MTSS2: variants seen among roughly 807,000 people sequenced by gnomAD.
MTSS2 encodes protein MTSS 2.
A neutral mutation model predicts 67.1 loss-of-function variants in MTSS2; 27 were observed. That is an observed-to-expected ratio of 0.40 (90% CI 0.30 to 0.55). The LOEUF is 0.55. MTSS2 is among the 20% of genes least tolerant of loss of function. The pLI, the probability that MTSS2 is intolerant of heterozygous loss-of-function variation, is 0.43. For missense variants in MTSS2, 1,171 were observed against 1,067.8 expected, an observed-to-expected ratio of 1.10 and a Z score of -1.35; for synonymous variants, 624 against 468.6, an observed-to-expected ratio of 1.33 and a Z score of -4.28.
At position 70,662,306 on chromosome 16, in the gene MTSS2, A is replaced by T. The variant is rs531091755; in HGVS notation, c.*1371T>A. ...TTCCCTCCTGACCTGCGGGGCCACC[A>T]GGACTCCCTCCGCTCGCCCTAGGCT... On this transcript the variant is annotated 3_prime_UTR_variant, in exon 15 of 15. Transcript: ENST00000338779. 3 of 152,434 alleles carry T rather than the reference A, an allele frequency of 2.0e-5. No individual in the cohort carries two copies. The highest frequency in any genetic ancestry group is 7.2e-5 in the African/African-American group (3 of 41,556). 9.4% of individuals were successfully genotyped at this position (152,434 alleles called of 1,614,324 possible).
intron 11 of MTSS2, among the ~76,000 whole-genome samples, chr16:70,666,744 G>C (rs1450034976): frequency 6.6e-6 from 1 of 150,938 alleles, no homozygotes; most frequent in African/African-American, 2.4e-5. Context: ...AATGGAAAAA[G>C]TATTTGGAAA....
At position 70,679,784 on chromosome 16, in the gene MTSS2, A is replaced by G; in HGVS notation, c.382+2T>C. On this transcript the variant is annotated splice_donor_variant, in intron 5 of 14. Coordinates refer to ENST00000338779, the MANE Select transcript of MTSS2 (RefSeq NM_138383.3). LOFTEE classifies it high-confidence loss of function. The stretch of plus-strand genomic sequence containing the variant: ...GGAAGCCCGGCTCCGCGCCACCCTC[A>G]CCTTTCGCGTGGTCCTTGTCCAGCT... 6.2e-7 allele frequency: 1 copy of G among 1,611,312 alleles called. No homozygotes were observed. The highest frequency in any genetic ancestry group is 8.5e-7 in the Non-Finnish European group (1 of 1,179,498).
rs1567504961 is a variant in MTSS2, at chr16:70,679,892, C to T, written c.291-15G>A. Reference sequence around the variant, plus strand: ...CCAGCAGTGCGCTGCGGAGGGCGGGCGGGAGCGCAGGTCAGGGCCGGGCTC... The same window carrying T: ...CCAGCAGTGCGCTGCGGAGGGCGGGTGGGAGCGCAGGTCAGGGCCGGGCTC... On this transcript the variant is annotated splice_polypyrimidine_tract_variant and intron_variant, in intron 4 of 14. Transcript: ENST00000338779. The T allele has an allele frequency of 2.5e-6, 4 of 1,585,984 alleles. No individual in the cohort carries two copies. The highest frequency in any genetic ancestry group is 1.1e-5 in the South Asian group (1 of 88,940).
Position 70,679,888 on chromosome 16 carries a change from C to G in MTSS2, c.291-11G>C. 1.3e-6 allele frequency: 2 copies of G among 1,587,544 alleles called. No homozygotes were observed. The highest frequency in any genetic ancestry group is 1.7e-6 in the Non-Finnish European group (2 of 1,174,002). ...CTCTCCAGCAGTGCGCTGCGGAGGG[C>G]GGGCGGGAGCGCAGGTCAGGGCCGG... is the stretch of plus-strand genomic sequence containing the variant. On this transcript the variant is annotated splice_polypyrimidine_tract_variant and intron_variant, in intron 4 of 14. Transcript: ENST00000338779.
chr16:70,665,450 G>C lies in MTSS2; in HGVS notation c.1128+16C>G. The stretch of plus-strand genomic sequence containing the variant: ...GCAGCTGGTGACTGTCCTGGGGCCG[G>C]GCTGGGAGCACTGACCGAGGTGGGG... On this transcript the variant is annotated intron_variant, in intron 12 of 14. Transcript: ENST00000338779. 1 of 1,550,220 alleles carries C rather than the reference G, an allele frequency of 6.5e-7. No homozygotes were observed. Among genetic ancestry groups the C allele is most frequent in the East Asian group, 2.4e-5 (1 of 41,260 alleles).
Position 70,678,288 on chromosome 16 carries a change from G to A in MTSS2, c.588C>T (p.Arg196=). The A allele has an allele frequency of 7.4e-6, 12 of 1,611,918 alleles. No individual in the cohort carries two copies. The highest frequency in any genetic ancestry group is 1.0e-5 in the Non-Finnish European group (12 of 1,179,886). The change falls in exon 8 of 15, where the codon CGC becomes CGT. Residue 196 remains arginine, a synonymous_variant. Coordinates refer to ENST00000338779, the MANE Select transcript of MTSS2 (RefSeq NM_138383.3). ...VRRALIEERG[R]FCTFITFLQP... ...GCAGGAAGGTGATGAAGGTGCAGAA[G>A]CGGCCCCGCTCCTCGATCAGCGCCC...
intron 11 of MTSS2, among the ~76,000 whole-genome samples, chr16:70,673,315 CAGAG>C (rs535987358): frequency 3.9e-4 from 59 of 152,106 alleles, no homozygotes; most frequent in Non-Finnish European, 7.5e-4. Flanking sequence ...TAAAAGTGCC[CAGAG>C]AGAGACTCAG....
At position 70,679,798 on chromosome 16, in the gene MTSS2, C is replaced by T. The variant is rs757433425; in HGVS notation, c.370G>A (p.Asp124Asn). ...WKKAANQLDKDHAKEYKRARH... is the reference protein window; with the variant it reads ...WKKAANQLDKNHAKEYKRARH... Reference sequence around the variant, plus strand: ...GCGCCACCCTCACCTTTCGCGTGGTCCTTGTCCAGCTGGTTGGCCGCCTTC... The same window carrying T: ...GCGCCACCCTCACCTTTCGCGTGGTTCTTGTCCAGCTGGTTGGCCGCCTTC... The change falls in exon 5 of 15, where the codon GAC becomes AAC. Residue 124 changes from aspartate to asparagine, a missense_variant. This residue lies in a region of MTSS2 where 247 missense variants were observed against 311.8 expected (regional missense o/e 0.79). Transcript: ENST00000338779. 1.9e-6 allele frequency: 3 copies of T among 1,611,026 alleles called. No individual in the cohort carries two copies. The highest frequency in any genetic ancestry group is 2.5e-6 in the Non-Finnish European group (3 of 1,179,654).
At chr16:70,669,428 G>C (rs922013545) in intron 11 of MTSS2, among the ~76,000 whole-genome samples, 7 of 152,212 alleles carry the variant, frequency 4.6e-5, no homozygotes, top group African/African-American at 1.7e-4. Context: ...CACATCTGTA[G>C]TCTCAGCTAT....
chr16:70,683,005 G>A (rs1319943601), intron 1 of MTSS2, among the ~76,000 whole-genome samples: 2 of 152,234 alleles, frequency 1.3e-5, no homozygotes, highest in Non-Finnish European at 2.9e-5. Flanking sequence ...TGAACGTCAA[G>A]GCTGGGGAGG....
At chr16:70,678,474 G>A (rs2053192733) in intron 7 of MTSS2, 65 bp from the exon 8 acceptor site, 1 of 1,546,078 alleles carries the variant, frequency 6.5e-7, no homozygotes, top group Non-Finnish European at 8.7e-7. Flanking sequence ...CCCACAAATG[G>A]GCTCAGACCC....
intron 11 of MTSS2, among the ~76,000 whole-genome samples, chr16:70,671,132 T>C (rs536494016): frequency 1.1e-4 from 16 of 152,066 alleles, no homozygotes; most frequent in Middle Eastern, 3.4e-3. Flanking sequence ...AAAAAGTTCC[T>C]TGGGCAGGTG....
Position 70,664,746 on chromosome 16 carries a change from G to T in MTSS2, c.1323C>A (p.Ser441=). 1 of 1,611,904 alleles carries T rather than the reference G, an allele frequency of 6.2e-7. No individual in the cohort carries two copies. Among genetic ancestry groups the T allele is most frequent in the Non-Finnish European group, 8.5e-7 (1 of 1,179,362 alleles). Residue 441 remains serine (S), a synonymous_variant, in exon 14 of 15, where the codon TCC becomes TCA. Transcript: ENST00000338779. ...CCATGGCCAGGTCACTGGCGGCGGG[G>T]GACACCTCCTCACCGTGCTGAGGGT... The part of the protein sequence containing the change: ...TIAAKHGEEV[S]PAASDLAMVL...
At chr16:70,675,999 A>G (rs2053104532) in intron 10 of MTSS2, among the ~76,000 whole-genome samples, 1 of 152,132 alleles carries the variant, frequency 6.6e-6, no homozygotes, top group South Asian at 2.1e-4. Context: ...CCCTGCAATC[A>G]GCCCCTTCAC....
At position 70,661,587 on chromosome 16, in the gene MTSS2, G is replaced by C. The variant is rs766178293; in HGVS notation, c.*2090C>G. On this transcript the variant is annotated 3_prime_UTR_variant, in exon 15 of 15. Transcript: ENST00000338779. ...GTTTGTGATGTGGGATGGTTGGCTCGGATCCCGAGGTGGGTGGGCCTATGA... is the reference window on the plus strand; with the variant it reads ...GTTTGTGATGTGGGATGGTTGGCTCCGATCCCGAGGTGGGTGGGCCTATGA... The C allele has an allele frequency of 8.5e-6, 3 of 351,730 alleles. No individual in the cohort carries two copies. Among genetic ancestry groups the C allele is most frequent in the Non-Finnish European group, 1.7e-5 (3 of 179,864 alleles). The allele number at this position is 351,730 out of a possible 1,614,324, so 21.8% of individuals were successfully genotyped here.
In MTSS2 at chr16:70,680,075, G is replaced by A. The variant is rs1383692520; in HGVS notation, c.206-20C>T. On this transcript the variant is annotated intron_variant, in intron 3 of 14. Transcript: ENST00000338779. ...TGGCCCCTGGCGAGGCAAGCGCGGG[G>A]TGGGAAGGGGCCCGCTGGGGCCTGC... 4 of 1,483,526 alleles carry A rather than the reference G, an allele frequency of 2.7e-6. No individual in the cohort carries two copies. Among genetic ancestry groups the A allele is most frequent in the Non-Finnish European group, 8.9e-7 (1 of 1,123,574 alleles). The allele number at this position is 1,483,526 out of a possible 1,614,324, so 91.9% of individuals were successfully genotyped here. A position where few individuals can be genotyped will look rare whatever the true frequency, so the allele number is the denominator to read the frequency against.
chr16:70,680,918 G>GGGCCCCCCCCC, intron 2 of MTSS2, 46 bp downstream of exon 2: 3 of 1,096,752 alleles, frequency 2.7e-6, no homozygotes, highest in Non-Finnish European at 4.0e-6. Flanking sequence ...CGGGGGGGGG[G>GGGCCCCCCCCC]CCTCTGCCTG....
In MTSS2 at chr16:70,677,905, G is replaced by A; in HGVS notation, c.625-6C>T. 1 of 1,589,534 alleles carries A rather than the reference G, an allele frequency of 6.3e-7. No individual in the cohort carries two copies. Among genetic ancestry groups the A allele is most frequent in the South Asian group, 1.1e-5 (1 of 86,976 alleles). On this transcript the variant is annotated splice_region_variant and splice_polypyrimidine_tract_variant and intron_variant, in intron 8 of 14. Transcript: ENST00000338779. Reference sequence around the variant, plus strand: ...AGCATGGTCAGCTCTCCATTCTGAGGAAGCAGCGAGTCAGACCTGCTGGCC... The same window carrying A: ...AGCATGGTCAGCTCTCCATTCTGAGAAAGCAGCGAGTCAGACCTGCTGGCC...
In MTSS2 at chr16:70,679,750, TG is replaced by T. The variant is rs776944270; in HGVS notation, c.382+35del. ...GCGCTCTAATGGGGTCCCTGCGGAG[TG>T]GGGGGTGGGAAGCCCGGCTCCGCGC... On this transcript the variant is annotated intron_variant, in intron 5 of 14. Transcript: ENST00000338779. The T allele has an allele frequency of 3.7e-6, 6 of 1,609,520 alleles. No homozygotes were observed. The African/African-American group carries it at 8.0e-5, about 22-fold the overall frequency.
Sources: allele counts gnomAD v4.1 joint callset (sites outside exome capture counted in the v4.1 genomes callset), GRCh38; gene constraint gnomAD v4.1.1; regional missense constraint gnomAD v4.1.1; transcripts MANE v1.5; gene names NCBI Gene and HGNC (gene_info 2026-07-23, HGNC 2026-07-21).